Variants in LMO7 observed in about 807,000 individuals in gnomAD.
LMO7 encodes the protein LIM domain only protein 7.
LMO7 carries 120 observed loss-of-function variants against 206.5 expected under a neutral mutation model. That is an observed-to-expected ratio of 0.58 (90% CI 0.50 to 0.68). LMO7 has a LOEUF of 0.68. LMO7 is among the 30% of genes least tolerant of loss of function. The probability of loss-of-function intolerance (pLI) is 0.00; values close to 1 mark genes in which losing one functional copy is unlikely to be tolerated. For synonymous variants in LMO7, 706 were observed against 681.5 expected, an observed-to-expected ratio of 1.04 and a Z score of -0.56; for missense variants, 1,959 against 1,957.9, an observed-to-expected ratio of 1.00 and a Z score of -0.01.
At chr13:75,839,864 G>GTT (rs1159857949) in intron 20 of LMO7, 1 of 479,622 alleles carries the variant, frequency 2.1e-6, no homozygotes, top group Admixed American at 3.4e-5. Context: ...TTTGGCATCT[G>GTT]TATCTTCCTT....
Position 75,800,686 on chromosome 13 carries a change from A to G in LMO7, c.465A>G (p.Ala155=), listed in dbSNP as rs1289622364. 7 of 1,613,752 alleles carry G rather than the reference A, an allele frequency of 4.3e-6. No homozygotes were observed. The Admixed American group carries it at 1.2e-4, about 27-fold the overall frequency. ...ENLLGQALTK[A]LEDSSFLKRS... ...TCTTTAAAAAACGTTTTCTTTAGGC[A>G]CTCGAAGACTCCAGCTTCCTGAAAA... Residue 155 remains alanine, a splice_region_variant and synonymous_variant, in exon 7 of 31, where the codon GCA becomes GCG. Transcript: ENST00000377534.
At chr13:75,708,751 C>T (rs187823318) in intron 1 of LMO7, among the ~76,000 whole-genome samples, 1 of 152,252 alleles carries the variant, frequency 6.6e-6, no homozygotes, top group African/African-American at 2.4e-5. Flanking sequence ...ATGCCATTCT[C>T]TTTGGGTATG....
intron 11 of LMO7, among the ~76,000 whole-genome samples, chr13:75,815,358 C>T (rs1245456118): frequency 6.6e-6 from 1 of 152,120 alleles, no homozygotes; most frequent in Non-Finnish European, 1.5e-5. Context: ...ACAGGATTTA[C>T]TGACGGGACC....
At chr13:75,653,716 G>A (rs1594079912) in intron 1 of LMO7, among the ~76,000 whole-genome samples, 1 of 152,296 alleles carries the variant, frequency 6.6e-6, no homozygotes, top group African/African-American at 2.4e-5. Context: ...GTATTTTGCA[G>A]TTAAAAGGAA....
At chr13:75,661,093 A>G (rs2038549766) in intron 1 of LMO7, among the ~76,000 whole-genome samples, 1 of 152,196 alleles carries the variant, frequency 6.6e-6, no homozygotes, top group Non-Finnish European at 1.5e-5. Context: ...TTCCTTCTAC[A>G]TATTATCTTA....
chr13:75,738,919 G>C (rs1348032080), intron 3 of LMO7, among the ~76,000 whole-genome samples: 1 of 152,196 alleles, frequency 6.6e-6, no homozygotes, highest in Admixed American at 6.5e-5. Flanking sequence ...GCTAAAGCAA[G>C]GTTTCTCAGC....
intron 4 of LMO7, among the ~76,000 whole-genome samples, chr13:75,782,092 AT>A (rs2051569223): frequency 1.3e-5 from 2 of 152,144 alleles, no homozygotes; most frequent in African/African-American, 4.8e-5. Context: ...GTTTACTCTG[AT>A]GGTAGTTTCT....
intron 1 of LMO7, among the ~76,000 whole-genome samples, chr13:75,652,777 A>G (rs997907615): frequency 1.3e-5 from 2 of 152,148 alleles, no homozygotes; most frequent in African/African-American, 4.8e-5. Flanking sequence ...ACTTAAAAAA[A>G]CCTCACTTTA....
At chr13:75,661,179 C>T (rs1324599665) in intron 1 of LMO7, among the ~76,000 whole-genome samples, 2 of 152,152 alleles carry the variant, frequency 1.3e-5, no homozygotes, top group African/African-American at 2.4e-5. Context: ...TGTCTCCCAT[C>T]CTAATGAGAA....
chr13:75,626,606 A>T (rs1367891910), intron 2 of LMO7, among the ~76,000 whole-genome samples: 6 of 78,180 alleles, frequency 7.7e-5, no homozygotes, highest in African/African-American at 2.4e-4. Context: ...TTTTTTTGAG[A>T]CAGGGTCTCA....
In LMO7 at chr13:75,832,398, A is replaced by C. The variant is rs142207067; in HGVS notation, c.2950-653A>C. Among the ~76,000 whole-genome samples, 888 of 152,250 alleles carry C rather than the reference A, an allele frequency of 5.8e-3. 15 individuals carry two copies. The highest frequency in any genetic ancestry group is 0.02 in the African/African-American group (837 of 41,548). On this transcript the variant is annotated intron_variant, in intron 15 of 30. Coordinates refer to ENST00000377534, the MANE Select transcript of LMO7 (RefSeq NM_001306080.2). ...CATGGACTGTAGGTCAGGATGTGTC[A>C]ATAGGGACCCTCTTGGTATCTTAAG...
At chr13:75,658,618 C>T (rs1272396040) in intron 1 of LMO7, among the ~76,000 whole-genome samples, 1 of 152,190 alleles carries the variant, frequency 6.6e-6, no homozygotes, top group Non-Finnish European at 1.5e-5. Flanking sequence ...GAATCTCGCT[C>T]TGTCGCCCAG....
At chr13:75,702,867 T>G (rs552365209) in intron 1 of LMO7, among the ~76,000 whole-genome samples, 95 of 152,354 alleles carry the variant, frequency 6.2e-4, no homozygotes, top group Non-Finnish European at 5.9e-5. Context: ...ACAGATTATT[T>G]AAATGAAAAG....
At chr13:75,852,961 TA>T in intron 27 of LMO7, 130 bp from the exon 28 acceptor site, 1 of 714,260 alleles carries the variant, frequency 1.4e-6, no homozygotes. Flanking sequence ...TCTGTATATG[TA>T]ACTAGAATAC....
chr13:75,834,218 A>T lies in LMO7; in HGVS notation c.3065-8A>T, dbSNP rs752815963. ...TCCCCAATTGGTTAATTTATTTTGC[A>T]TTTTTAGGTAGCCCAGCAGAATTTT... On this transcript the variant is annotated splice_polypyrimidine_tract_variant and splice_region_variant and intron_variant, in intron 16 of 30. Transcript: ENST00000377534. 1.3e-6 allele frequency: 2 copies of T among 1,565,208 alleles called. No individual in the cohort carries two copies. Among genetic ancestry groups the T allele is most frequent in the Admixed American group, 3.7e-5 (2 of 54,290 alleles).
chr13:75,849,576 A>G (rs1172059279), intron 27 of LMO7, among the ~76,000 whole-genome samples: 3 of 151,842 alleles, frequency 2.0e-5, no homozygotes, highest in Non-Finnish European at 4.4e-5. Context: ...ATAGATTGCA[A>G]ATCTGGATGG....
chr13:75,843,846 G>A (rs2059748788), intron 25 of LMO7, among the ~76,000 whole-genome samples: 1 of 152,066 alleles, frequency 6.6e-6, no homozygotes, highest in African/African-American at 2.4e-5. Context: ...TTAGATATAA[G>A]GAAAGACTTG....
chr13:75,628,027 C>G (rs1488446533), intron 2 of LMO7: 1 of 152,032 alleles, frequency 6.6e-6, no homozygotes, highest in Admixed American at 6.5e-5. Flanking sequence ...CAACCAACTG[C>G]TTTTCAAATT....
chr13:75,674,509 A>G (rs2039852008), intron 1 of LMO7, among the ~76,000 whole-genome samples: 1 of 152,212 alleles, frequency 6.6e-6, no homozygotes, highest in Non-Finnish European at 1.5e-5. Flanking sequence ...GATGTTGTGA[A>G]TTTTATAGAA....
Sources: gnomAD v4.1 joint callset for allele counts (sites outside exome capture counted in the v4.1 genomes callset) on GRCh38, gnomAD v4.1.1 for gene constraint, MANE v1.5 for transcripts, NCBI Gene and HGNC (gene_info 2026-07-23, HGNC 2026-07-21) for gene names.